FBXL7: variants seen among roughly 807,000 people sequenced by gnomAD.
The protein encoded by FBXL7 is F-box/LRR-repeat protein 7.
A neutral mutation model predicts 38.3 loss-of-function variants in FBXL7; 12 were observed. That is an observed-to-expected ratio of 0.31 (90% CI 0.20 to 0.51). The LOEUF (loss-of-function observed/expected upper bound fraction) is 0.51, where lower values mean the gene tolerates loss of function less well. Among genes scored for constraint, FBXL7 ranks in the 20% least tolerant of loss-of-function variants. FBXL7 has a pLI of 0.98. For synonymous variants in FBXL7, 297 were observed against 300.9 expected, an observed-to-expected ratio of 0.99 and a Z score of 0.13; for missense variants, 567 against 676.4, an observed-to-expected ratio of 0.84 and a Z score of 1.79.
At chr5:15,757,127 G>A (rs368804473) in intron 2 of FBXL7, among the ~76,000 whole-genome samples, 15 of 152,206 alleles carry the variant, frequency 9.9e-5, no homozygotes, top group African/African-American at 3.6e-4. Context: ...TAGGAATTGG[G>A]GTAAATGAGC....
At chr5:15,813,764 G>A (rs145666098) in intron 2 of FBXL7, among the ~76,000 whole-genome samples, 5,305 of 152,148 alleles carry the variant, frequency 0.035, 234 homozygotes, top group African/African-American at 0.099. Flanking sequence ...ATAAGTGGGT[G>A]AAGGATATGA....
chr5:15,596,151 T>C (rs1739619874), intron 1 of FBXL7, among the ~76,000 whole-genome samples: 1 of 152,202 alleles, frequency 6.6e-6, no homozygotes, highest in African/African-American at 2.4e-5. Context: ...GACTGTTGAC[T>C]CAACTGCATT....
chr5:15,507,741 A>G (rs572804545), intron 1 of FBXL7, among the ~76,000 whole-genome samples: 2 of 152,280 alleles, frequency 1.3e-5, no homozygotes, highest in South Asian at 4.2e-4. Context: ...CTTATGTCCC[A>G]ATAAAAAAAG....
At chr5:15,636,134 T>C (rs1741183805) in intron 2 of FBXL7, among the ~76,000 whole-genome samples, 1 of 152,024 alleles carries the variant, frequency 6.6e-6, no homozygotes, top group Non-Finnish European at 1.5e-5. Flanking sequence ...TTCATTTTGT[T>C]CCATTTTATA....
intron 2 of FBXL7, among the ~76,000 whole-genome samples, chr5:15,870,330 C>A (rs1022044064): frequency 6.6e-6 from 1 of 151,990 alleles, no homozygotes; most frequent in Non-Finnish European, 1.5e-5. Context: ...GTGGCACAGA[C>A]AAAATCAAGA....
intron 1 of FBXL7, among the ~76,000 whole-genome samples, chr5:15,544,143 C>T (rs1257409376): frequency 1.3e-5 from 2 of 152,218 alleles, no homozygotes; most frequent in Non-Finnish European, 1.5e-5. Context: ...TAGCCCTGCT[C>T]TGCAAGGAGC....
chr5:15,879,842 A>C (rs1239813270), intron 2 of FBXL7, among the ~76,000 whole-genome samples: 1 of 152,216 alleles, frequency 6.6e-6, no homozygotes, highest in Non-Finnish European at 1.5e-5. Context: ...TAGGATCCCC[A>C]GCTGTGATGA....
At chr5:15,845,932 A>G (rs1254407665) in intron 2 of FBXL7, among the ~76,000 whole-genome samples, 1 of 152,248 alleles carries the variant, frequency 6.6e-6, no homozygotes, top group African/African-American at 2.4e-5. Flanking sequence ...AGATTGCACC[A>G]CTGCACTCCA....
intron 2 of FBXL7, among the ~76,000 whole-genome samples, chr5:15,698,979 CTTTCTTTTTTCT>C (rs1212613091): frequency 6.6e-5 from 10 of 152,278 alleles, no homozygotes; most frequent in Admixed American, 1.3e-4. Context: ...AGGAACTTGT[CTTTCTTTTTTCT>C]TTTCTTTTTT....
chr5:15,728,571 A>G (rs184990721), intron 2 of FBXL7, among the ~76,000 whole-genome samples: 18 of 152,292 alleles, frequency 1.2e-4, no homozygotes, highest in Middle Eastern at 3.4e-3. Context: ...GCCTGAGTCA[A>G]TTATGTTCTA....
intron 2 of FBXL7, among the ~76,000 whole-genome samples, chr5:15,917,967 A>C (rs1421787027): frequency 6.6e-6 from 1 of 152,156 alleles, no homozygotes; most frequent in Non-Finnish European, 1.5e-5. Context: ...GGCCACATGC[A>C]GTGGCTCATG....
At chr5:15,680,261 C>A (rs546948345) in intron 2 of FBXL7, among the ~76,000 whole-genome samples, 5 of 152,200 alleles carry the variant, frequency 3.3e-5, no homozygotes, top group Non-Finnish European at 4.4e-5. Flanking sequence ...GAAAAATAAA[C>A]CTCACTGGGA....
intron 2 of FBXL7, among the ~76,000 whole-genome samples, chr5:15,642,721 C>G (rs1475670352): frequency 6.6e-6 from 1 of 152,200 alleles, no homozygotes; most frequent in African/African-American, 2.4e-5. Flanking sequence ...CCTAGATAGG[C>G]CAACGGGGAA....
intron 1 of FBXL7, among the ~76,000 whole-genome samples, chr5:15,535,548 C>A (rs532374315): frequency 6.6e-6 from 1 of 152,152 alleles, no homozygotes; most frequent in Non-Finnish European, 1.5e-5. Context: ...TTTGCCCTGG[C>A]GCTAGAGATC....
chr5:15,502,038 CA>C (rs1180063724), intron 1 of FBXL7, among the ~76,000 whole-genome samples: 1 of 151,828 alleles, frequency 6.6e-6, no homozygotes, highest in Admixed American at 6.6e-5. Flanking sequence ...GGCCACTCCC[CA>C]AAACGTCTTA....
chr5:15,801,664 C>T (rs992115326), intron 2 of FBXL7, among the ~76,000 whole-genome samples: 49 of 145,296 alleles, frequency 3.4e-4, no homozygotes, highest in African/African-American at 4.8e-4. Context: ...TGTGCGCGCG[C>T]GCGTGTGTGT....
intron 2 of FBXL7, among the ~76,000 whole-genome samples, chr5:15,726,676 G>A (rs578118472): frequency 2.2e-5 from 3 of 138,766 alleles, no homozygotes; most frequent in African/African-American, 8.3e-5. Flanking sequence ...GGGTGACAGA[G>A]CAAGACTCCA....
intron 1 of FBXL7, among the ~76,000 whole-genome samples, chr5:15,602,535 T>TACC (rs1048307690): frequency 2.0e-4 from 30 of 151,970 alleles, no homozygotes; most frequent in African/African-American, 7.0e-4. Context: ...TGGAGCCTAC[T>TACC]CTCATGGAGT....
At chr5:15,845,127 G>A (rs1378035301) in intron 2 of FBXL7, among the ~76,000 whole-genome samples, 1 of 152,168 alleles carries the variant, frequency 6.6e-6, no homozygotes, top group Non-Finnish European at 1.5e-5. Flanking sequence ...GTACCCAATT[G>A]TGTTGATCCC....
Sources: gnomAD v4.1 joint callset for allele counts (sites outside exome capture counted in the v4.1 genomes callset) on GRCh38, gnomAD v4.1.1 for gene constraint, MANE v1.5 for transcripts, NCBI Gene and HGNC (gene_info 2026-07-23, HGNC 2026-07-21) for gene names.